ZC3H7B: variants seen among roughly 807,000 people sequenced by gnomAD.
ZC3H7B encodes zinc finger CCCH domain-containing protein 7B.
Under a neutral mutation model 116.0 loss-of-function variants are expected in ZC3H7B, and 35 were observed. That is an observed-to-expected ratio of 0.30 (90% CI 0.23 to 0.40). The LOEUF (loss-of-function observed/expected upper bound fraction) is 0.40. ZC3H7B is among the 10% of genes least tolerant of loss of function. ZC3H7B has a pLI of 1.00. For missense variants in ZC3H7B, 1,011 were observed against 1,321.5 expected (o/e 0.77, Z 3.64); for synonymous variants, 502 against 545.6 (o/e 0.92, Z 1.11).
chr22:41,347,154 A>G (rs1354254012), intron 14 of ZC3H7B, among the ~76,000 whole-genome samples: 1 of 152,136 alleles, frequency 6.6e-6, no homozygotes, highest in African/African-American at 2.4e-5. Context: ...CCCACCTCCC[A>G]GCACCAGCTG....
chr22:41,357,732 A>C lies in ZC3H7B; in HGVS notation c.*303A>C. The stretch of plus-strand genomic sequence containing the variant: ...CCTCCAGCTTCAGCCTCCAGCTTTA[A>C]CTTCTGTCTGCTCCTAATGGGGGCC... On this transcript the variant is annotated 3_prime_UTR_variant, in exon 23 of 23. Coordinates refer to ENST00000352645, the MANE Select transcript of ZC3H7B (RefSeq NM_017590.6). This position sits in a 1 kb window ranked among gnomAD's most constrained non-coding sequence, Gnocchi z 5.4. 1 of 443,050 alleles carries C rather than the reference A, an allele frequency of 2.3e-6. No homozygotes were observed. Among genetic ancestry groups the C allele is most frequent in the Non-Finnish European group, 4.1e-6 (1 of 241,612 alleles). The allele number at this position is 443,050 out of a possible 1,614,324, so 27.4% of individuals were successfully genotyped here. A position where few individuals can be genotyped will look rare whatever the true frequency, so the allele number is the denominator to read the frequency against.
chr22:41,337,102 C>G (rs2036457686), intron 7 of ZC3H7B, among the ~76,000 whole-genome samples: 1 of 152,064 alleles, frequency 6.6e-6, no homozygotes, highest in Admixed American at 6.6e-5. Context: ...CACCATTGCA[C>G]TCCAGCCTGG....
At chr22:41,313,733 G>GT (rs1314888304) in intron 1 of ZC3H7B, among the ~76,000 whole-genome samples, 3 of 151,856 alleles carry the variant, frequency 2.0e-5, no homozygotes, top group African/African-American at 7.3e-5. Context: ...GGCATCTTGT[G>GT]TTTTTTTGTG....
At chr22:41,337,338 A>G (rs2036460218) in intron 7 of ZC3H7B, among the ~76,000 whole-genome samples, 1 of 151,772 alleles carries the variant, frequency 6.6e-6, no homozygotes, top group Non-Finnish European at 1.5e-5. Context: ...AAAAAAAAAA[A>G]ACAAACCCAA....
intron 2 of ZC3H7B, among the ~76,000 whole-genome samples, chr22:41,321,562 G>C (rs976108023): frequency 2.0e-4 from 30 of 151,844 alleles, no homozygotes; most frequent in African/African-American, 7.0e-4. Context: ...TGTTGCCCAG[G>C]CTGGTCTCAA....
Position 41,338,323 on chromosome 22 carries a change from A to G in ZC3H7B, c.593A>G (p.Asn198Ser). The change falls in exon 8 of 23, where the codon AAT becomes AGT. Residue 198 changes from asparagine (N) to serine (S), a missense_variant. Asn to Ser is a conservative substitution (Grantham distance 46). Coordinates refer to ENST00000352645, the MANE Select transcript of ZC3H7B (RefSeq NM_017590.6). This position sits in a 1 kb window ranked among gnomAD's most constrained non-coding sequence, Gnocchi z 4.5. The stretch of plus-strand genomic sequence containing the variant: ...GCCCTCTCCCCACAGGGAACTTCTA[A>G]TGGATTGGGGTCCATAGATGACATC... ...AAGVADQGTS[N>S]GLGSIDDIET... is the part of the protein sequence containing the mutation. 6.2e-7 allele frequency: 1 copy of G among 1,613,608 alleles called. No homozygotes were observed. Among genetic ancestry groups the G allele is most frequent in the Non-Finnish European group, 8.5e-7 (1 of 1,179,882 alleles).
At chr22:41,304,995 T>A (rs922637654) in intron 1 of ZC3H7B, among the ~76,000 whole-genome samples, 3 of 152,060 alleles carry the variant, frequency 2.0e-5, no homozygotes, top group Non-Finnish European at 4.4e-5. Context: ...GCTGATCACT[T>A]GAGGTCACGA....
intron 1 of ZC3H7B, among the ~76,000 whole-genome samples, chr22:41,312,141 A>T (rs2145899925): frequency 7.2e-6 from 1 of 139,236 alleles, no homozygotes; most frequent in African/African-American, 2.8e-5. Context: ...TGGGTGACAG[A>T]GCGAGACTCC....
chr22:41,357,516 G>C lies in ZC3H7B; in HGVS notation c.*87G>C, dbSNP rs563500846. On this transcript the variant is annotated 3_prime_UTR_variant, in exon 23 of 23. Transcript: ENST00000352645. The surrounding 1 kb of genome is among the most constrained non-coding windows in gnomAD (Gnocchi z 5.4). ...TGATAGAAGGGTCAGGGCAGGCCAG[G>C]GGGGTGGGGGGCCGCCCTCATCAGG... 4.1e-4 allele frequency: 408 copies of C among 1,002,384 alleles called. 2 individuals are homozygous for C. The African/African-American group carries it at 6.0e-3, about 15-fold the overall frequency. The allele number at this position is 1,002,384 out of a possible 1,614,324, so 62.1% of individuals were successfully genotyped here.
intron 7 of ZC3H7B, among the ~76,000 whole-genome samples, chr22:41,337,327 CAAA>C (rs111381485): frequency 1.5e-5 from 2 of 133,582 alleles, no homozygotes; most frequent in Non-Finnish European, 3.2e-5. Flanking sequence ...GACTCTGTCT[CAAA>C]AAAAAAAAAC....
chr22:41,320,185 T>C (rs895022155), intron 1 of ZC3H7B, among the ~76,000 whole-genome samples: 3 of 151,286 alleles, frequency 2.0e-5, no homozygotes, highest in Non-Finnish European at 2.9e-5. Context: ...ATACAAAAAT[T>C]AGCTGGGCAT....
intron 1 of ZC3H7B, among the ~76,000 whole-genome samples, chr22:41,306,164 C>A (rs542298512): frequency 6.6e-6 from 1 of 152,118 alleles, no homozygotes; most frequent in African/African-American, 2.4e-5. Context: ...ATGATCCTTT[C>A]GATTCTCTGG....
Position 41,325,914 on chromosome 22 carries a change from C to G in ZC3H7B, c.281C>G (p.Thr94Ser), listed in dbSNP as rs1211531688. The change falls in exon 4 of 23, where the codon ACC becomes AGC. Residue 94 changes from threonine to serine, a missense_variant. Transcript: ENST00000352645. ...GTCAATAGGGCCGCCTGCTACTTCACCATGGTGAGCCTGGCACCCTCTTTT... is the reference window on the plus strand; with the variant it reads ...GTCAATAGGGCCGCCTGCTACTTCAGCATGGTGAGCCTGGCACCCTCTTTT... The part of the protein sequence containing the change: ...LHVNRAACYF[T>S]MGLYEKALED... The G allele has an allele frequency of 6.2e-7, 1 of 1,603,338 alleles. No individual in the cohort carries two copies.
intron 4 of ZC3H7B, 116 bp downstream of exon 4, chr22:41,326,034 C>A: frequency 8.2e-7 from 1 of 1,215,716 alleles, no homozygotes; most frequent in Non-Finnish European, 1.1e-6. Flanking sequence ...TCCTCCCAGC[C>A]TGCTTTCAGA....
At chr22:41,326,466 GCCT>G (rs1244960657) in intron 4 of ZC3H7B, among the ~76,000 whole-genome samples, 1 of 147,862 alleles carries the variant, frequency 6.8e-6, no homozygotes, top group Non-Finnish European at 1.5e-5. Context: ...TTCTTCCATA[GCCT>G]CCTCACTGTT....
intron 1 of ZC3H7B, among the ~76,000 whole-genome samples, chr22:41,307,255 A>G (rs1271149929): frequency 2.0e-5 from 3 of 152,238 alleles, no homozygotes; most frequent in African/African-American, 7.2e-5. Context: ...GATTATAGGC[A>G]TGAGCCCGTG....
At chr22:41,344,775 C>T (rs746508692) in intron 13 of ZC3H7B, among the ~76,000 whole-genome samples, 9 of 152,184 alleles carry the variant, frequency 5.9e-5, no homozygotes, top group Non-Finnish European at 1.3e-4. Flanking sequence ...TTTCCTCTCT[C>T]CAGATGGCCC....
In ZC3H7B at chr22:41,353,120, C is replaced by A. The variant is rs143966931; in HGVS notation, c.2034+1474C>A. On this transcript the variant is annotated intron_variant, in intron 17 of 22. Coordinates refer to ENST00000352645, the MANE Select transcript of ZC3H7B (RefSeq NM_017590.6). The stretch of plus-strand genomic sequence containing the variant: ...GAAAAAAAGGTCTTCAGGAGAAATA[C>A]GTTGAGACCTTGTAAATATCCCAGT... 2.0e-5 allele frequency among the ~76,000 whole-genome samples: 3 copies of A among 152,030 alleles called. No homozygotes were observed. The East Asian group carries it at 5.8e-4, about 29-fold the overall frequency.
At chr22:41,343,984 T>C (rs1430502760) in intron 13 of ZC3H7B, among the ~76,000 whole-genome samples, 1 of 152,196 alleles carries the variant, frequency 6.6e-6, no homozygotes, top group African/African-American at 2.4e-5. Context: ...TCCATCCACT[T>C]GAGCTCTCTG....
Sources: gnomAD v4.1 joint callset for allele counts (sites outside exome capture counted in the v4.1 genomes callset) on GRCh38, gnomAD v4.1.1 for gene constraint, Gnocchi (gnomAD v3.1) non-coding constraint, MANE v1.5 for transcripts, NCBI Gene and HGNC (gene_info 2026-07-23, HGNC 2026-07-21) for gene names.